The following ANKRD30B variants were observed in gnomAD, a reference collection of about 807,000 sequenced individuals.
ANKRD30B encodes ankyrin repeat domain-containing protein 30B.
A neutral mutation model predicts 202.2 loss-of-function variants in ANKRD30B; 144 were observed. The ratio of observed to expected loss-of-function variants is 0.71; its 90% CI spans 0.62 to 0.82. The LOEUF is 0.82. Ranked by LOEUF, ANKRD30B falls within the 40% of genes least tolerant of loss-of-function variation. The pLI, the probability that ANKRD30B is intolerant of heterozygous loss-of-function variation, is 0.00. For synonymous variants in ANKRD30B, 508 were observed against 561.3 expected (o/e 0.91, Z 1.34); for missense variants, 1,487 against 1,669.1 (o/e 0.89, Z 1.90).
At chr18:14,906,938 G>C in the ANKRD30B span, among the ~76,000 whole-genome samples, 4 of 151,958 alleles carry the variant, frequency 2.6e-5, 1 homozygote, top group Non-Finnish European at 5.9e-5. Flanking sequence ...TGGGGGTCCA[G>C]GTTATAGGTA....
intron 39 of ANKRD30B, among the ~76,000 whole-genome samples, chr18:14,847,088 ATATATG>A (rs1971678763): frequency 1.3e-5 from 1 of 78,822 alleles, no homozygotes; most frequent in Non-Finnish European, 2.7e-5. Flanking sequence ...ATATATATAT[ATATATG>A]TATAATGTTT....
At chr18:14,814,746 C>T in intron 30 of ANKRD30B, 35 bp downstream of exon 30, 1 of 827,980 alleles carries the variant, frequency 1.2e-6, no homozygotes, top group Non-Finnish European at 1.6e-6. Context: ...AGTCATTTGA[C>T]CAAATGTTTC....
intron 39 of ANKRD30B, among the ~76,000 whole-genome samples, chr18:14,846,941 TTGTC>T (rs1039919008): frequency 1.3e-5 from 2 of 151,446 alleles, no homozygotes; most frequent in African/African-American, 4.8e-5. Flanking sequence ...GTGATAAAAG[TTGTC>T]TGTCACCATG....
At chr18:14,900,172 T>G in the ANKRD30B span, among the ~76,000 whole-genome samples, 1 of 152,192 alleles carries the variant, frequency 6.6e-6, no homozygotes, top group Non-Finnish European at 1.5e-5. Flanking sequence ...TAAGAAATGG[T>G]GAGTTTTAAT....
At chr18:14,875,540 AG>A in the ANKRD30B span, among the ~76,000 whole-genome samples, 6 of 152,162 alleles carry the variant, frequency 3.9e-5, no homozygotes, top group Non-Finnish European at 7.4e-5. Flanking sequence ...AGAAACTGCG[AG>A]GGAAGAGAGG....
chr18:14,785,809 C>A lies in ANKRD30B; in HGVS notation c.1673-1230C>A, dbSNP rs191602890. On this transcript the variant is annotated intron_variant, in intron 14 of 43. Transcript: ENST00000690538. Reference sequence around the variant, plus strand: ...ACCAGGTAGATTTGGGAGGCCGAGGCGGGTGGATCATGAGGTCAGGAGATC... The same window carrying A: ...ACCAGGTAGATTTGGGAGGCCGAGGAGGGTGGATCATGAGGTCAGGAGATC... 2.6e-5 allele frequency among the ~76,000 whole-genome samples: 4 copies of A among 152,104 alleles called. No individual in the cohort carries two copies. The South Asian group carries it at 8.3e-4, about 32-fold the overall frequency.
At chr18:14,852,511 T>C in intron 42 of ANKRD30B, 91 bp downstream of exon 42, 1 of 1,361,246 alleles carries the variant, frequency 7.3e-7, no homozygotes, top group South Asian at 1.9e-5. Context: ...TATATATATA[T>C]AAATAGATGA....
chr18:14,751,915 G>A (rs1385380309), intron 1 of ANKRD30B, among the ~76,000 whole-genome samples: 2 of 152,016 alleles, frequency 1.3e-5, no homozygotes, highest in African/African-American at 4.8e-5. Flanking sequence ...TTTATTTTAT[G>A]CACCAATTAA....
At chr18:14,936,070 C>A in the ANKRD30B span, among the ~76,000 whole-genome samples, 59 of 152,334 alleles carry the variant, frequency 3.9e-4, 1 homozygote, top group African/African-American at 1.2e-3. Context: ...GCTTGAAGAG[C>A]CTGAGTGTGG....
chr18:14,867,282 G>T, the ANKRD30B span, among the ~76,000 whole-genome samples: 1 of 144,678 alleles, frequency 6.9e-6, no homozygotes, highest in Non-Finnish European at 1.5e-5. Flanking sequence ...GGTGTGTTGT[G>T]GGCACAATCT....
rs567232154 is a variant in ANKRD30B at position 14,832,775 on chromosome 18, A to G, written c.2847+1320A>G. 2.9e-3 allele frequency among the ~76,000 whole-genome samples: 440 copies of G among 152,356 alleles called. 5 individuals carry two copies. Among genetic ancestry groups the G allele is most frequent in the African/African-American group, 8.9e-3 (371 of 41,580 alleles). On this transcript the variant is annotated intron_variant, in intron 34 of 43. Coordinates refer to ENST00000690538, the MANE Select transcript of ANKRD30B (RefSeq NM_001367607.2). ...TTTAATATTTAGAATGCATAAATTA[A>G]TGTGCGTTATCTTGAGAAAATATGT...
At chr18:14,865,688 C>A in the ANKRD30B span, among the ~76,000 whole-genome samples, 2,951 of 150,710 alleles carry the variant, frequency 0.02, 48 homozygotes, top group Non-Finnish European at 0.031. Context: ...TCCTTTTTTC[C>A]TTTTGGCACT....
In ANKRD30B at chr18:14,754,904, C is replaced by T. The variant is rs768376526; in HGVS notation, c.516C>T (p.Ser172=). Residue 172 remains serine (S), a synonymous_variant, in exon 4 of 44, where the codon AGC becomes AGT. Transcript: ENST00000690538. The part of the protein sequence containing the change: ...GAVIEVQNKA[S]LTPLLLAIQK... ...ATTGTTCTGCTATTTTACAGGCTAGCCTCACACCCCTTTTACTGGCCATAC... is the reference window on the plus strand; with the variant it reads ...ATTGTTCTGCTATTTTACAGGCTAGTCTCACACCCCTTTTACTGGCCATAC... The T allele has an allele frequency of 2.6e-6, 4 of 1,529,794 alleles. No individual in the cohort carries two copies. Among genetic ancestry groups the T allele is most frequent in the South Asian group, 1.3e-5 (1 of 78,870 alleles). 94.8% of individuals were successfully genotyped at this position (1,529,794 alleles called of 1,614,324 possible). A position where few individuals can be genotyped will look rare whatever the true frequency, so the allele number is the denominator to read the frequency against.
intron 16 of ANKRD30B, among the ~76,000 whole-genome samples, chr18:14,795,047 G>A (rs1968781198): frequency 6.6e-6 from 1 of 152,082 alleles, no homozygotes; most frequent in Non-Finnish European, 1.5e-5. Flanking sequence ...AATAGAATTA[G>A]TTTTAGCAAC....
At chr18:14,921,521 C>T in the ANKRD30B span, among the ~76,000 whole-genome samples, 1 of 152,022 alleles carries the variant, frequency 6.6e-6, no homozygotes, top group African/African-American at 2.4e-5. Flanking sequence ...CTCACACATA[C>T]ACTGAGATCC....
At chr18:14,811,506 C>T (rs1190331614) in intron 28 of ANKRD30B, among the ~76,000 whole-genome samples, 34 of 150,034 alleles carry the variant, frequency 2.3e-4, no homozygotes, top group Admixed American at 1.9e-3. Flanking sequence ...CCACCGCGCC[C>T]GGCCCAGAGT....
chr18:14,899,082 A>G, the ANKRD30B span, among the ~76,000 whole-genome samples: 3 of 152,284 alleles, frequency 2.0e-5, no homozygotes, highest in East Asian at 1.9e-4. Context: ...AATATTTTTA[A>G]TCTTGTCATT....
chr18:14,808,859 G>C (rs950516463), intron 26 of ANKRD30B, 115 bp downstream of exon 26: 1 of 994,720 alleles, frequency 1.0e-6, no homozygotes, highest in East Asian at 2.6e-5. Context: ...GGGAAAATTT[G>C]ATACAAATAA....
At chr18:14,920,471 T>C in the ANKRD30B span, among the ~76,000 whole-genome samples, 6 of 152,318 alleles carry the variant, frequency 3.9e-5, no homozygotes, top group Middle Eastern at 3.4e-3. Context: ...CACACCATAG[T>C]GTCTAGAAAG....
Sources: allele counts gnomAD v4.1 joint callset (sites outside exome capture counted in the v4.1 genomes callset), GRCh38; gene constraint gnomAD v4.1.1; transcripts MANE v1.5; gene names NCBI Gene and HGNC (gene_info 2026-07-23, HGNC 2026-07-21).